The following KIF23 variants were observed in gnomAD, a reference collection of about 807,000 sequenced individuals.
The protein encoded by KIF23 is kinesin-like protein KIF23.
A neutral mutation model predicts 137.5 loss-of-function variants in KIF23; 30 were observed. The ratio of observed to expected loss-of-function variants is 0.22; its 90% CI spans 0.16 to 0.30. KIF23 has a LOEUF of 0.30. Ranked by LOEUF, KIF23 falls within the 10% of genes least tolerant of loss-of-function variation. The pLI, the probability that KIF23 is intolerant of heterozygous loss-of-function variation, is 1.00. For synonymous variants in KIF23, 367 were observed against 391.1 expected, an observed-to-expected ratio of 0.94 and a Z score of 0.73; for missense variants, 920 against 1,194.3, an observed-to-expected ratio of 0.77 and a Z score of 3.38.
chr15:69,435,396 G>T, intron 11 of KIF23, 87 bp from the exon 12 acceptor site: 1 of 1,033,734 alleles, frequency 9.7e-7, no homozygotes. Flanking sequence ...GTAGTTGTTT[G>T]AAGTTGAGAT....
intron 19 of KIF23, 144 bp downstream of exon 19, chr15:69,441,223 G>A (rs1309249735): frequency 1.3e-6 from 1 of 798,886 alleles, no homozygotes; most frequent in Admixed American, 3.1e-5. Context: ...TTGAAAGATT[G>A]ACTTACGGAA....
intron 1 of KIF23, among the ~76,000 whole-genome samples, chr15:69,415,285 C>T (rs1307575413): frequency 2.6e-5 from 4 of 152,274 alleles, no homozygotes; most frequent in African/African-American, 9.6e-5. Context: ...GTATTTTGCA[C>T]TGAATAACAC....
intron 3 of KIF23, among the ~76,000 whole-genome samples, chr15:69,418,854 T>A (rs1006450252): frequency 6.6e-6 from 1 of 152,216 alleles, no homozygotes; most frequent in African/African-American, 2.4e-5. Context: ...TGGAGGCTCA[T>A]GCCTGCAGTC....
intron 7 of KIF23, among the ~76,000 whole-genome samples, chr15:69,424,727 C>T (rs369422529): frequency 2.8e-4 from 42 of 152,238 alleles, no homozygotes; most frequent in East Asian, 1.4e-3. Context: ...AGGTTGGTCT[C>T]GAACTCCTGG....
Position 69,426,121 on chromosome 15 carries a change from T to C in KIF23, c.828T>C (p.Val276=), listed in dbSNP as rs769243555. 4 of 1,608,334 alleles carry C rather than the reference T, an allele frequency of 2.5e-6. No individual in the cohort carries two copies. Among genetic ancestry groups the C allele is most frequent in the Non-Finnish European group, 2.5e-6 (3 of 1,178,922 alleles). ...AAGATAAGAACCATAACATGTATGT[T>C]GCAGGATGTACAGAAGTTGAAGTGA... The part of the protein sequence containing the change: ...LREDKNHNMY[V]AGCTEVEVKS... The change falls in exon 9 of 24, where the codon GTT becomes GTC. Residue 276 remains valine (V), a synonymous_variant. Coordinates refer to ENST00000679126, the MANE Select transcript of KIF23 (RefSeq NM_001367805.3).
intron 1 of KIF23, 117 bp from the exon 2 acceptor site, chr15:69,415,877 A>G: frequency 1.4e-6 from 1 of 698,644 alleles, no homozygotes; most frequent in South Asian, 2.0e-5. Context: ...AGTGTTTTGC[A>G]ACTGCTAAGG....
At chr15:69,426,736 TTA>T (rs1205125728) in intron 10 of KIF23, 2 of 330,824 alleles carry the variant, frequency 6.0e-6, no homozygotes, top group Non-Finnish European at 1.1e-5. Flanking sequence ...AAAAGTTAAA[TTA>T]GAGAGGTTTT....
In KIF23 at chr15:69,440,047, A is replaced by G. The variant is rs1407227156; in HGVS notation, c.1899A>G (p.Thr633=). 6.2e-7 allele frequency: 1 copy of G among 1,613,714 alleles called. No homozygotes were observed. The highest frequency in any genetic ancestry group is 8.5e-7 in the Non-Finnish European group (1 of 1,179,988). ...RLEARLQGMV[T]ETTMKWEKEC... is the part of the protein sequence containing the mutation. ...AAGCCAGGTTGCAAGGCATGGTGAC[A>G]GAAACGACAATGAAGTGGGAGAAAG... The change falls in exon 17 of 24, where the codon ACA becomes ACG. Residue 633 remains threonine (T), a synonymous_variant. Coordinates refer to ENST00000679126, the MANE Select transcript of KIF23 (RefSeq NM_001367805.3).
intron 10 of KIF23, 21 bp downstream of exon 10, chr15:69,426,478 G>T: frequency 6.2e-7 from 1 of 1,611,954 alleles, no homozygotes; most frequent in Non-Finnish European, 8.5e-7. Flanking sequence ...AGTATGTGGA[G>T]TTTTTCTGGT....
chr15:69,425,524 C>G (rs1251751624), intron 8 of KIF23, among the ~76,000 whole-genome samples: 1 of 152,172 alleles, frequency 6.6e-6, no homozygotes, highest in Non-Finnish European at 1.5e-5. Flanking sequence ...TCACCATTCA[C>G]AAGACTTAAG....
intron 11 of KIF23, among the ~76,000 whole-genome samples, chr15:69,431,709 C>A (rs1359469152): frequency 6.6e-6 from 1 of 151,940 alleles, no homozygotes; most frequent in Admixed American, 6.6e-5. Context: ...GCTTGAGGAA[C>A]AGCAAGCCCT....
chr15:69,447,969 A>G lies in KIF23; in HGVS notation c.*162A>G, dbSNP rs1423792185. The G allele has an allele frequency of 3.8e-6, 2 of 525,626 alleles. No homozygotes were observed. Among genetic ancestry groups the G allele is most frequent in the Non-Finnish European group, 6.6e-6 (2 of 303,972 alleles). 32.6% of individuals were successfully genotyped at this position (525,626 alleles called of 1,614,324 possible). ...ACTGACCCAGAGCAAAGCTTTCCCT[A>G]TGGTTCCAAAGACAACTAGTATTCA... On this transcript the variant is annotated 3_prime_UTR_variant, in exon 24 of 24. Transcript: ENST00000679126.
chr15:69,427,620 T>TC (rs1428581758), intron 10 of KIF23: 50 of 369,874 alleles, frequency 1.4e-4, no homozygotes, highest in Non-Finnish European at 1.1e-5. Context: ...GCCAGTAGGG[T>TC]CCCCCATATG....
At chr15:69,441,775 T>C (rs2057627227) in intron 19 of KIF23, among the ~76,000 whole-genome samples, 1 of 151,494 alleles carries the variant, frequency 6.6e-6, no homozygotes, top group Non-Finnish European at 1.5e-5. Flanking sequence ...GGCTTTTCTT[T>C]TTTTTTTTTT....
At chr15:69,441,132 GT>G in intron 19 of KIF23, 53 bp downstream of exon 19, 2 of 1,460,674 alleles carry the variant, frequency 1.4e-6, no homozygotes, top group Non-Finnish European at 1.8e-6. Flanking sequence ...TATCTTCTTT[GT>G]TTTTTGTAAC....
rs552572068 is a variant in KIF23 at position 69,432,849 on chromosome 15, A to C, written c.1115-2634A>C. On this transcript the variant is annotated intron_variant, in intron 11 of 23. Transcript: ENST00000679126. ...GATGAGCAACAAACTGTAACATGCT[A>C]TAAAAATATCTGTGATTTGTATTGA... Among the ~76,000 whole-genome samples the C allele has an allele frequency of 3.9e-5, 6 of 152,360 alleles. No homozygotes were observed. The South Asian group carries it at 1.2e-3, about 32-fold the overall frequency.
chr15:69,440,676 TAA>T (rs1243263538), intron 18 of KIF23, 90 bp from the exon 19 acceptor site: 4 of 1,167,274 alleles, frequency 3.4e-6, no homozygotes, highest in Admixed American at 2.9e-5. Flanking sequence ...TTTGTAATGT[TAA>T]GTCTTCATGT....
intron 10 of KIF23, chr15:69,426,674 C>T (rs1191709156): frequency 2.1e-5 from 11 of 524,728 alleles, no homozygotes; most frequent in East Asian, 6.6e-5. Context: ...GAACTGAGAT[C>T]GCGCCACTGT....
In KIF23 at chr15:69,414,422, C is replaced by A. The variant is rs201869915; in HGVS notation, c.-44C>A. 1 of 1,574,188 alleles carries A rather than the reference C, an allele frequency of 6.4e-7. No homozygotes were observed. The highest frequency in any genetic ancestry group is 8.6e-7 in the Non-Finnish European group (1 of 1,159,730). Reference sequence around the variant, plus strand: ...CTAACGTCCCGCAGTCTTCGCCAGCCAGCCGTCCCGCATGCGCGTTTGGGC... The same window carrying A: ...CTAACGTCCCGCAGTCTTCGCCAGCAAGCCGTCCCGCATGCGCGTTTGGGC... On this transcript the variant is annotated 5_prime_UTR_variant, in exon 1 of 24. Transcript: ENST00000679126.
Sources: gnomAD v4.1 joint callset for allele counts (sites outside exome capture counted in the v4.1 genomes callset) on GRCh38, gnomAD v4.1.1 for gene constraint, MANE v1.5 for transcripts, NCBI Gene and HGNC (gene_info 2026-07-23, HGNC 2026-07-21) for gene names.